ADCY9: variants seen among roughly 807,000 people sequenced by gnomAD.
The protein encoded by ADCY9 is adenylate cyclase 9.
Under a neutral mutation model 101.5 loss-of-function variants are expected in ADCY9, and 50 were observed. That is an observed-to-expected ratio of 0.49 (90% CI 0.39 to 0.62). The LOEUF is 0.62. Ranked by LOEUF, ADCY9 falls within the 20% of genes least tolerant of loss-of-function variation. ADCY9 has a pLI of 0.00. For missense variants in ADCY9, 1,662 were observed against 1,800.4 expected (o/e 0.92, Z 1.39); for synonymous variants, 905 against 769.3 (o/e 1.18, Z -2.92).
chr16:4,074,564 A>C (rs907116560), intron 2 of ADCY9, among the ~76,000 whole-genome samples: 3 of 151,674 alleles, frequency 2.0e-5, no homozygotes, highest in Non-Finnish European at 2.9e-5. Flanking sequence ...AATTAAAAAA[A>C]CAATTAGCCG....
intron 2 of ADCY9, among the ~76,000 whole-genome samples, chr16:4,074,716 C>CAAAAAAAAAAAAAAAA: frequency 1.0e-5 from 1 of 100,432 alleles, no homozygotes; most frequent in Non-Finnish European, 2.0e-5. Context: ...TACCCAGTGG[C>CAAAAAAAAAAAAAAAA]AAAAAAAAAA....
At chr16:4,046,330 C>T (rs889378260) in intron 2 of ADCY9, among the ~76,000 whole-genome samples, 5 of 152,122 alleles carry the variant, frequency 3.3e-5, no homozygotes, top group African/African-American at 9.7e-5. Flanking sequence ...CCCACGCCCC[C>T]GAACTTATAT....
chr16:4,020,682 T>C (rs563101786), intron 2 of ADCY9, among the ~76,000 whole-genome samples: 15 of 151,932 alleles, frequency 9.9e-5, no homozygotes, highest in African/African-American at 3.4e-4. Context: ...AAAAATTAGC[T>C]GGGCTTGGTG....
chr16:3,979,068 A>T (rs2056117144), intron 8 of ADCY9, 48 bp downstream of exon 8: 3 of 1,605,776 alleles, frequency 1.9e-6, no homozygotes, highest in Non-Finnish European at 2.6e-6. Context: ...AAGAGAGATT[A>T]GGGAGTCCAG....
At chr16:4,072,331 A>T (rs2056839838) in intron 2 of ADCY9, among the ~76,000 whole-genome samples, 2 of 152,206 alleles carry the variant, frequency 1.3e-5, no homozygotes, top group Non-Finnish European at 2.9e-5. Context: ...CAGTTCCAGG[A>T]AACCCTCTGA....
At chr16:4,035,419 A>G (rs1264128977) in intron 2 of ADCY9, among the ~76,000 whole-genome samples, 1 of 152,230 alleles carries the variant, frequency 6.6e-6, no homozygotes, top group African/African-American at 2.4e-5. Flanking sequence ...TTACTCTGAA[A>G]TGGATTAAAG....
At chr16:4,089,345 C>T (rs1238251677) in intron 2 of ADCY9, among the ~76,000 whole-genome samples, 1 of 152,042 alleles carries the variant, frequency 6.6e-6, no homozygotes, top group Non-Finnish European at 1.5e-5. Context: ...TTTCACTGGG[C>T]ATGTTTTCAG....
chr16:4,115,263 G>T lies in ADCY9; in HGVS notation c.180C>A (p.Ser60=). The change falls in exon 2 of 11, where the codon TCC becomes TCA. Residue 60 remains serine, a synonymous_variant. Transcript: ENST00000294016. This position sits in a 1 kb window ranked among gnomAD's most constrained non-coding sequence, Gnocchi z 6.2. ...CGCCCACTCGCCGGGGGACGCCCCC[G>T]GAGTCCCCAGAGCTGCTGCAGCTAG... The part of the protein sequence containing the change: ...ISSSCSSSGD[S]GGVPRRVGGG... The T allele has an allele frequency of 1.9e-6, 3 of 1,613,538 alleles. No homozygotes were observed. Among genetic ancestry groups the T allele is most frequent in the Non-Finnish European group, 2.5e-6 (3 of 1,179,736 alleles).
At chr16:4,012,762 C>T (rs1463006162) in intron 2 of ADCY9, among the ~76,000 whole-genome samples, 1 of 152,142 alleles carries the variant, frequency 6.6e-6, no homozygotes, top group African/African-American at 2.4e-5. Flanking sequence ...ACTAAAACTG[C>T]ACTTTGCACA....
intron 10 of ADCY9, among the ~76,000 whole-genome samples, chr16:3,969,118 C>G (rs1442569316): frequency 2.0e-5 from 3 of 152,174 alleles, no homozygotes; most frequent in African/African-American, 7.2e-5. Context: ...GCCACCGCGC[C>G]CAGTCTCTGC....
At chr16:4,104,332 A>G (rs2057062463) in intron 2 of ADCY9, among the ~76,000 whole-genome samples, 1 of 152,246 alleles carries the variant, frequency 6.6e-6, no homozygotes, top group Non-Finnish European at 1.5e-5. Flanking sequence ...TGACTAGTGC[A>G]TGACGTTATA....
chr16:4,091,459 T>C (rs2056973241), intron 2 of ADCY9, among the ~76,000 whole-genome samples: 1 of 152,200 alleles, frequency 6.6e-6, no homozygotes, highest in Non-Finnish European at 1.5e-5. Context: ...TGCCCAGGTA[T>C]GTGCCCCAAA....
At chr16:4,054,803 G>C (rs1281707316) in intron 2 of ADCY9, among the ~76,000 whole-genome samples, 3 of 152,022 alleles carry the variant, frequency 2.0e-5, no homozygotes, top group African/African-American at 4.8e-5. Context: ...TCCTGACCTC[G>C]TGATCCACCT....
chr16:3,977,419 C>G (rs966526069), intron 9 of ADCY9, 63 bp downstream of exon 9: 2 of 1,523,752 alleles, frequency 1.3e-6, no homozygotes, highest in Non-Finnish European at 1.8e-6. Context: ...CAGCCAGGCC[C>G]TACGCAACCT....
intron 2 of ADCY9, among the ~76,000 whole-genome samples, chr16:4,028,557 T>C (rs1322198335): frequency 1.3e-5 from 2 of 152,146 alleles, no homozygotes; most frequent in Admixed American, 1.3e-4. Context: ...AGCAAATCTA[T>C]AGACACAGAA....
chr16:4,097,682 G>T (rs1372097417), intron 2 of ADCY9, among the ~76,000 whole-genome samples: 1 of 150,294 alleles, frequency 6.7e-6, no homozygotes, highest in Admixed American at 6.7e-5. Flanking sequence ...GAGTAGCTGG[G>T]ATTACAGGTG....
At chr16:4,028,130 G>A (rs374729909) in intron 2 of ADCY9, among the ~76,000 whole-genome samples, 104 of 152,186 alleles carry the variant, frequency 6.8e-4, no homozygotes, top group African/African-American at 2.1e-3. Context: ...TGATTGTACT[G>A]GTGGCTACAA....
intron 2 of ADCY9, among the ~76,000 whole-genome samples, chr16:4,095,149 G>A (rs1003340739): frequency 4.0e-5 from 6 of 150,694 alleles, no homozygotes; most frequent in Non-Finnish European, 8.8e-5. Flanking sequence ...TTACAGGTGC[G>A]CACCACCATG....
intron 2 of ADCY9, among the ~76,000 whole-genome samples, chr16:4,055,729 G>C (rs1222486632): frequency 6.6e-6 from 1 of 152,170 alleles, no homozygotes; most frequent in Non-Finnish European, 1.5e-5. Context: ...AGCTACTTGG[G>C]AGGCTGAGGC....
Sources: gnomAD v4.1 joint callset for allele counts (sites outside exome capture counted in the v4.1 genomes callset) on GRCh38, gnomAD v4.1.1 for gene constraint, Gnocchi (gnomAD v3.1) non-coding constraint, MANE v1.5 for transcripts, NCBI Gene and HGNC (gene_info 2026-07-23, HGNC 2026-07-21) for gene names.